The following MSH4 variants were observed in gnomAD, a reference collection of about 807,000 sequenced individuals.
MSH4 encodes the protein mutS homolog 4, also known as mutS protein homolog 4.
Under a neutral mutation model 113.7 loss-of-function variants are expected in MSH4, and 106 were observed. The observed-to-expected ratio is 0.93, with a 90% CI of 0.80 to 1.10. MSH4 has a LOEUF of 1.10. Among genes scored for constraint, MSH4 ranks in the 50% least tolerant of loss-of-function variants. MSH4 has a pLI of 0.00. For synonymous variants in MSH4, 368 were observed against 380.2 expected (o/e 0.97, Z 0.37); for missense variants, 1,061 against 1,093.7 (o/e 0.97, Z 0.42).
chr1:75,807,165 A>G (rs1485339429), intron 3 of MSH4, 24 bp downstream of exon 3: 1 of 1,498,176 alleles, frequency 6.7e-7, no homozygotes, highest in Non-Finnish European at 8.8e-7. Flanking sequence ...ATTCTAGAAA[A>G]TGGTTGCTCT....
intron 9 of MSH4, among the ~76,000 whole-genome samples, chr1:75,868,348 C>T (rs1339085503): frequency 6.6e-6 from 1 of 151,870 alleles, no homozygotes; most frequent in East Asian, 1.9e-4. Context: ...TGTAAATAAC[C>T]CAATCCTCAT....
intron 1 of MSH4, among the ~76,000 whole-genome samples, chr1:75,802,737 G>C (rs1174342717): frequency 6.6e-6 from 1 of 152,182 alleles, no homozygotes. Context: ...GTCTTAGTCT[G>C]TATTCTGTTG....
intron 15 of MSH4, among the ~76,000 whole-genome samples, chr1:75,886,734 T>C (rs1652129541): frequency 7.2e-6 from 1 of 138,676 alleles, no homozygotes; most frequent in Non-Finnish European, 1.5e-5. Context: ...ACATTATATA[T>C]AAATATATTA....
chr1:75,829,897 C>T (rs545129784), intron 7 of MSH4, among the ~76,000 whole-genome samples: 54 of 152,190 alleles, frequency 3.5e-4, no homozygotes, highest in Admixed American at 2.0e-3. Flanking sequence ...TCCAAAGGAA[C>T]GCAGCTCCTT....
chr1:75,899,863 CT>C (rs1189365719), intron 19 of MSH4, among the ~76,000 whole-genome samples, 157 bp downstream of exon 19: 1 of 150,696 alleles, frequency 6.6e-6, no homozygotes, highest in Non-Finnish European at 1.5e-5. Context: ...ATTAATTTTA[CT>C]TCTTAAAACT....
intron 9 of MSH4, among the ~76,000 whole-genome samples, chr1:75,876,653 A>G (rs1274432305): frequency 6.6e-6 from 1 of 152,094 alleles, no homozygotes; most frequent in Non-Finnish European, 1.5e-5. Context: ...AAGTACCTAT[A>G]TATGTAAGTT....
intron 7 of MSH4, among the ~76,000 whole-genome samples, chr1:75,840,638 T>C (rs1415231190): frequency 2.7e-5 from 4 of 150,420 alleles, no homozygotes; most frequent in Non-Finnish European, 3.0e-5. Context: ...CTGCACATTG[T>C]GCACATGTAC....
chr1:75,805,204 G>A (rs1329106429), intron 2 of MSH4, among the ~76,000 whole-genome samples: 16 of 151,348 alleles, frequency 1.1e-4, no homozygotes, highest in Admixed American at 1.1e-3. Flanking sequence ...ACATCTCTAA[G>A]GTTCTAAAAA....
chr1:75,799,776 C>G (rs1649895456), intron 1 of MSH4, among the ~76,000 whole-genome samples: 1 of 152,084 alleles, frequency 6.6e-6, no homozygotes, highest in African/African-American at 2.4e-5. Context: ...CACCAGGTCT[C>G]TGGTTTTGGT....
intron 12 of MSH4, among the ~76,000 whole-genome samples, chr1:75,879,696 T>C (rs1651890100): frequency 6.6e-6 from 1 of 152,156 alleles, no homozygotes; most frequent in African/African-American, 2.4e-5. Flanking sequence ...GGACAAGGGC[T>C]GCGACAGGGG....
At chr1:75,833,387 T>A (rs374341756) in intron 7 of MSH4, among the ~76,000 whole-genome samples, 2 of 152,142 alleles carry the variant, frequency 1.3e-5, no homozygotes, top group East Asian at 1.9e-4. Flanking sequence ...TTCAGTGCCA[T>A]CCCCTTCAAG....
At chr1:75,857,748 G>A (rs1298773342) in intron 8 of MSH4, among the ~76,000 whole-genome samples, 1 of 151,322 alleles carries the variant, frequency 6.6e-6, no homozygotes, top group East Asian at 1.9e-4. Context: ...TTGGCTATGC[G>A]GGCCCTTTTT....
At chr1:75,896,649 A>C (rs1419691575) in intron 17 of MSH4, among the ~76,000 whole-genome samples, 1 of 152,076 alleles carries the variant, frequency 6.6e-6, no homozygotes, top group Non-Finnish European at 1.5e-5. Context: ...TTTAATAAAA[A>C]TGTAATATTG....
chr1:75,836,229 T>C (rs1650824290), intron 7 of MSH4, among the ~76,000 whole-genome samples: 1 of 152,142 alleles, frequency 6.6e-6, no homozygotes, highest in Non-Finnish European at 1.5e-5. Flanking sequence ...TTGGTTTCCC[T>C]TCTCTGTCCT....
chr1:75,898,664 G>A (rs990964918), intron 18 of MSH4, among the ~76,000 whole-genome samples: 5 of 151,876 alleles, frequency 3.3e-5, no homozygotes, highest in African/African-American at 7.3e-5. Flanking sequence ...GACTACAGGC[G>A]TGCACCACCA....
rs2100496051 is a variant in MSH4, at chr1:75,797,175, A to T, written c.190A>T (p.Ser64Cys). 6.2e-7 allele frequency: 1 copy of T among 1,604,344 alleles called. No individual in the cohort carries two copies. Among genetic ancestry groups the T allele is most frequent in the Non-Finnish European group, 8.5e-7 (1 of 1,175,528 alleles). The change falls in exon 1 of 20, where the codon AGC becomes TGC. Residue 64 changes from serine to cysteine, a missense_variant. Physicochemically the swap from Ser to Cys is moderately radical, Grantham distance 112. Transcript: ENST00000263187. ...CACGTCAGGAGCTGCGGGCGACCGG[A>T]GCAGCAGCAGCAGCAGCCTTCCCTG... Reference protein sequence around the residue: ...PGTSGAAGDRSSSSSSLPCPA... With the variant: ...PGTSGAAGDRCSSSSSLPCPA...
chr1:75,797,017 C>T lies in MSH4; in HGVS notation c.32C>T (p.Pro11Leu), dbSNP rs955600415. 3.0e-5 allele frequency: 49 copies of T among 1,613,944 alleles called. No individual in the cohort carries two copies. Among genetic ancestry groups the T allele is most frequent in the Non-Finnish European group, 4.2e-5 (49 of 1,180,020 alleles). ...AGGCCTGAGATCTCATCAACCTCGC[C>T]TTCTGCCCCGGCGGTTTCCCCGTCG... The part of the protein sequence containing the change: MLRPEISSTS[P>L]SAPAVSPSSG... The change falls in exon 1 of 20, where the codon CCT becomes CTT. Residue 11 changes from proline to leucine, a missense_variant. Pro to Leu is a moderately conservative substitution (Grantham distance 98). Transcript: ENST00000263187.
At chr1:75,871,615 A>G (rs1024543124) in intron 9 of MSH4, among the ~76,000 whole-genome samples, 11 of 152,334 alleles carry the variant, frequency 7.2e-5, no homozygotes, top group Admixed American at 4.6e-4. Context: ...TTAGAGATCT[A>G]TGAGACAGAC....
intron 2 of MSH4, among the ~76,000 whole-genome samples, chr1:75,806,235 GTTTTTTTTTTTT>G (rs775023850): frequency 5.8e-4 from 35 of 60,778 alleles, no homozygotes; most frequent in African/African-American, 6.8e-4. Context: ...TTTCTGTTTG[GTTTTTTTTTTTT>G]TTTTTTTTTT....
Sources: allele counts gnomAD v4.1 joint callset (sites outside exome capture counted in the v4.1 genomes callset), GRCh38; gene constraint gnomAD v4.1.1; transcripts MANE v1.5; gene names NCBI Gene and HGNC (gene_info 2026-07-23, HGNC 2026-07-21).